PIAS1: variants seen among roughly 807,000 people sequenced by gnomAD.
PIAS1 encodes the protein protein inhibitor of activated STAT 1, also known as E3 SUMO-protein ligase PIAS1.
PIAS1 carries 6 observed loss-of-function variants against 71.3 expected under a neutral mutation model. The observed-to-expected ratio is 0.08, with a 90% CI of 0.05 to 0.17. The LOEUF is 0.17. PIAS1 is among the 10% of genes least tolerant of loss of function. PIAS1 has a pLI of 1.00. For synonymous variants in PIAS1, 303 were observed against 292.9 expected, an observed-to-expected ratio of 1.03 and a Z score of -0.35; for missense variants, 555 against 793.6, an observed-to-expected ratio of 0.70 and a Z score of 3.61.
At chr15:68,128,985 G>GA (rs963247677) in intron 2 of PIAS1, among the ~76,000 whole-genome samples, 2 of 151,852 alleles carry the variant, frequency 1.3e-5, no homozygotes, top group Non-Finnish European at 2.9e-5. Context: ...GTGATAAACA[G>GA]AAAAAAACTT....
At chr15:68,070,896 C>A (rs371316548) in intron 1 of PIAS1, among the ~76,000 whole-genome samples, 1 of 152,106 alleles carries the variant, frequency 6.6e-6, no homozygotes, top group East Asian at 1.9e-4. Flanking sequence ...GTTGGGATTA[C>A]AGGCATGAGC....
intron 2 of PIAS1, among the ~76,000 whole-genome samples, chr15:68,121,386 CT>C (rs1185450359): frequency 6.7e-6 from 1 of 150,274 alleles, no homozygotes; most frequent in African/African-American, 2.5e-5. Flanking sequence ...TTTCCTTTGT[CT>C]TTTTTCTTCT....
intron 8 of PIAS1, among the ~76,000 whole-genome samples, chr15:68,166,265 T>G (rs573874436): frequency 1.3e-5 from 2 of 152,138 alleles, no homozygotes; most frequent in Non-Finnish European, 2.9e-5. Flanking sequence ...TAAAAATTCT[T>G]TAAGTAACCA....
intron 7 of PIAS1, among the ~76,000 whole-genome samples, chr15:68,159,940 A>T (rs2092913728): frequency 6.6e-6 from 1 of 152,160 alleles, no homozygotes; most frequent in Admixed American, 6.5e-5. Context: ...ATTCCCACTA[A>T]CAATGTGTGA....
At position 68,186,159 on chromosome 15, in the gene PIAS1, G is replaced by A. The variant is rs2093086416; in HGVS notation, c.1663-1383G>A. Among the ~76,000 whole-genome samples, 1 of 152,162 alleles carries A rather than the reference G, an allele frequency of 6.6e-6. No homozygotes were observed. Among genetic ancestry groups the A allele is most frequent in the South Asian group, 2.1e-4 (1 of 4,826 alleles). ...GAGCCTCAGGCAGGTCCTTCAGTGG[G>A]TGTTCCAGAAGATTGTTGTCATAGC... On this transcript the variant is annotated intron_variant, in intron 13 of 13. Transcript: ENST00000249636. The surrounding 1 kb of genome is among the most constrained non-coding windows in gnomAD (Gnocchi z 4.4).
At chr15:68,113,087 G>A (rs1015230637) in intron 2 of PIAS1, among the ~76,000 whole-genome samples, 14 of 152,102 alleles carry the variant, frequency 9.2e-5, no homozygotes, top group Non-Finnish European at 2.1e-4. Context: ...TTCACATCAA[G>A]TTGCCATTAA....
chr15:68,175,266 T>C (rs2093014297), intron 9 of PIAS1, among the ~76,000 whole-genome samples: 1 of 152,182 alleles, frequency 6.6e-6, no homozygotes, highest in Non-Finnish European at 1.5e-5. Flanking sequence ...CTTTAGTTTA[T>C]CAAATAAGAC....
intron 1 of PIAS1, chr15:68,055,048 TTCTC>T (rs2140946549): frequency 5.2e-6 from 1 of 192,698 alleles, no homozygotes; most frequent in South Asian, 1.8e-4. Context: ...ACGTTACTCT[TTCTC>T]TCTGATTCCG....
rs575689596 is a variant in PIAS1 at position 68,132,475 on chromosome 15, T to TA, written c.470-9461dup. On this transcript the variant is annotated intron_variant, in intron 2 of 13. Transcript: ENST00000249636. ...GGGTGACAGAGTGAGACTCTGTCTCTAAAAAAAAAAGGAAACTACAATGTT... is the reference window on the plus strand; with the variant it reads ...GGGTGACAGAGTGAGACTCTGTCTCTAAAAAAAAAAAGGAAACTACAATGTT... Among the ~76,000 whole-genome samples the TA allele has an allele frequency of 8.1e-3, 1,165 of 144,664 alleles. 4 individuals carry two copies. The highest frequency in any genetic ancestry group is 0.033 in the East Asian group (166 of 4,972). 94.9% of individuals were successfully genotyped at this position (144,664 alleles called of 152,430 possible).
At chr15:68,163,730 A>G (rs1419107150) in intron 7 of PIAS1, among the ~76,000 whole-genome samples, 2 of 152,126 alleles carry the variant, frequency 1.3e-5, no homozygotes, top group African/African-American at 4.8e-5. Context: ...TTTCTTTTCT[A>G]TATGGTGTCT....
chr15:68,183,374 G>C (rs1404958563), intron 12 of PIAS1, among the ~76,000 whole-genome samples: 1 of 152,176 alleles, frequency 6.6e-6, no homozygotes, highest in Non-Finnish European at 1.5e-5. Context: ...ATCAGTGTTA[G>C]ATCTGACAGA....
In PIAS1 at chr15:68,187,991, G is replaced by A. The variant is rs1937235643; in HGVS notation, c.*156G>A. The A allele has an allele frequency of 3.3e-6, 2 of 603,976 alleles. No individual in the cohort carries two copies. Among genetic ancestry groups the A allele is most frequent in the Middle Eastern group, 4.6e-4 (1 of 2,184 alleles). The allele number at this position is 603,976 out of a possible 1,614,324, so 37.4% of individuals were successfully genotyped here. Reference sequence around the variant, plus strand: ...GGGAAAAAATTAAAAGAAATGTACAGAGAACAAAACTATATTTTCAGTTTT... The same window carrying A: ...GGGAAAAAATTAAAAGAAATGTACAAAGAACAAAACTATATTTTCAGTTTT... On this transcript the variant is annotated 3_prime_UTR_variant, in exon 14 of 14. Coordinates refer to ENST00000249636, the MANE Select transcript of PIAS1 (RefSeq NM_016166.3). This position sits in a 1 kb window ranked among gnomAD's most constrained non-coding sequence, Gnocchi z 5.3.
intron 7 of PIAS1, among the ~76,000 whole-genome samples, chr15:68,155,466 A>C (rs12904092): frequency 0.41 from 60,090 of 145,500 alleles, 13,403 homozygotes; most frequent in Non-Finnish European, 0.51. Flanking sequence ...AAAAAAAAAA[A>C]AAAAAACCAA....
At chr15:68,062,074 A>G (rs1306519323) in intron 1 of PIAS1, among the ~76,000 whole-genome samples, 1 of 152,190 alleles carries the variant, frequency 6.6e-6, no homozygotes, top group African/African-American at 2.4e-5. Flanking sequence ...GACAATCTAA[A>G]TTGAAAATAT....
At chr15:68,116,934 C>A (rs537337432) in intron 2 of PIAS1, among the ~76,000 whole-genome samples, 1 of 152,032 alleles carries the variant, frequency 6.6e-6, no homozygotes. Flanking sequence ...ATATTTATGG[C>A]GTACAATGTG....
chr15:68,126,623 A>G (rs376390170), intron 2 of PIAS1, among the ~76,000 whole-genome samples: 194 of 152,186 alleles, frequency 1.3e-3, no homozygotes, highest in African/African-American at 4.5e-3. Context: ...TTGTATTTTT[A>G]GTAGAGGCGG....
At chr15:68,119,001 A>C (rs1362816199) in intron 2 of PIAS1, among the ~76,000 whole-genome samples, 6 of 152,078 alleles carry the variant, frequency 3.9e-5, no homozygotes, top group Admixed American at 6.6e-5. Flanking sequence ...AGAGCACAAC[A>C]ACCTACAGAA....
intron 5 of PIAS1, 30 bp downstream of exon 5, chr15:68,145,936 C>T (rs2092804878): frequency 6.7e-6 from 8 of 1,195,314 alleles, no homozygotes; most frequent in Non-Finnish European, 1.0e-5. Context: ...TTTTAAAATT[C>T]ATTGCCAACA....
At chr15:68,169,230 T>A (rs1406849286) in intron 8 of PIAS1, among the ~76,000 whole-genome samples, 1 of 152,216 alleles carries the variant, frequency 6.6e-6, no homozygotes, top group Non-Finnish European at 1.5e-5. Context: ...ACATAAGATC[T>A]AAAAACGTAA....
Sources: gnomAD v4.1 joint callset for allele counts (sites outside exome capture counted in the v4.1 genomes callset) on GRCh38, gnomAD v4.1.1 for gene constraint, Gnocchi (gnomAD v3.1) non-coding constraint, MANE v1.5 for transcripts, NCBI Gene and HGNC (gene_info 2026-07-23, HGNC 2026-07-21) for gene names.